The following FOXP1 variants were observed in gnomAD, a reference collection of about 807,000 sequenced individuals.
The protein encoded by FOXP1 is forkhead box P1, also known as forkhead box protein P1.
Under a neutral mutation model 98.2 loss-of-function variants are expected in FOXP1, and 15 were observed. That is an observed-to-expected ratio of 0.15 (90% confidence interval 0.10 to 0.24). The LOEUF is 0.24. Ranked by LOEUF, FOXP1 falls within the 10% of genes least tolerant of loss-of-function variation. The pLI, the probability that FOXP1 is intolerant of heterozygous loss-of-function variation, is 1.00. For synonymous variants in FOXP1, 371 were observed against 314.5 expected (o/e 1.18, Z -1.90); for missense variants, 633 against 848.5 (o/e 0.75, Z 3.15).
chr3:71,440,777 A>C (rs1361505008), intron 3 of FOXP1, among the ~76,000 whole-genome samples: 3 of 151,962 alleles, frequency 2.0e-5, no homozygotes, highest in African/African-American at 7.3e-5. Flanking sequence ...AGGTGGGAGG[A>C]TCACTTGAGC....
chr3:71,330,740 A>G (rs2076242059), intron 4 of FOXP1, among the ~76,000 whole-genome samples: 1 of 152,258 alleles, frequency 6.6e-6, no homozygotes, highest in Non-Finnish European at 1.5e-5. Flanking sequence ...GGCAACATTT[A>G]GTGACATGGA....
chr3:71,203,246 T>G (rs1180897528), intron 5 of FOXP1, among the ~76,000 whole-genome samples: 2 of 152,176 alleles, frequency 1.3e-5, no homozygotes, highest in African/African-American at 4.8e-5. Context: ...TGCATAGATG[T>G]CAAAAAGCCT....
chr3:71,305,367 C>T (rs935455087), intron 4 of FOXP1, among the ~76,000 whole-genome samples: 2 of 152,180 alleles, frequency 1.3e-5, no homozygotes, highest in African/African-American at 2.4e-5. Context: ...CCCTCCCGAC[C>T]GCCTCTCTGA....
At chr3:71,304,424 T>C (rs963830574) in intron 4 of FOXP1, among the ~76,000 whole-genome samples, 1 of 152,212 alleles carries the variant, frequency 6.6e-6, no homozygotes, top group African/African-American at 2.4e-5. Flanking sequence ...ACCTTTAGTG[T>C]GCAATAAGAG....
intron 3 of FOXP1, among the ~76,000 whole-genome samples, chr3:71,375,063 C>T (rs1043358567): frequency 3.9e-5 from 6 of 152,118 alleles, no homozygotes; most frequent in Admixed American, 3.9e-4. Context: ...TCTCTAGCCA[C>T]GTCAAGAGTT....
chr3:71,005,220 C>T (rs59424489), intron 12 of FOXP1, among the ~76,000 whole-genome samples: 1 of 144,084 alleles, frequency 6.9e-6, no homozygotes, highest in Non-Finnish European at 1.5e-5. Flanking sequence ...GGCAGCATCT[C>T]TTAGCCAGTG....
At chr3:71,368,466 T>A (rs1008655519) in intron 3 of FOXP1, among the ~76,000 whole-genome samples, 2 of 152,136 alleles carry the variant, frequency 1.3e-5, no homozygotes, top group Non-Finnish European at 2.9e-5. Context: ...CTTCATGACA[T>A]GCAAAAGTTA....
intron 3 of FOXP1, among the ~76,000 whole-genome samples, chr3:71,487,198 T>C (rs1415716180): frequency 1.3e-5 from 2 of 151,736 alleles, no homozygotes; most frequent in Non-Finnish European, 2.9e-5. Context: ...TTCACAGACA[T>C]AACACAAAAA....
intron 6 of FOXP1, among the ~76,000 whole-genome samples, chr3:71,166,632 C>T (rs2061412254): frequency 6.6e-6 from 1 of 152,160 alleles, no homozygotes; most frequent in Non-Finnish European, 1.5e-5. Context: ...AATCTGCATT[C>T]TAAATCTCTT....
intron 4 of FOXP1, among the ~76,000 whole-genome samples, chr3:71,325,842 G>C (rs1406692601): frequency 6.6e-6 from 1 of 152,006 alleles, no homozygotes; most frequent in Non-Finnish European, 1.5e-5. Flanking sequence ...CACCATATCT[G>C]GCTCAAAATG....
intron 12 of FOXP1, among the ~76,000 whole-genome samples, chr3:71,007,791 A>G (rs890021013): frequency 1.7e-4 from 26 of 152,184 alleles, no homozygotes; most frequent in Admixed American, 1.2e-3. Flanking sequence ...AAATTCACAG[A>G]AAAAAATTTT....
chr3:71,380,199 T>C (rs1388650880), intron 3 of FOXP1, among the ~76,000 whole-genome samples: 1 of 152,068 alleles, frequency 6.6e-6, no homozygotes, highest in Non-Finnish European at 1.5e-5. Flanking sequence ...TCTTTTAAGG[T>C]CAGAGTGGAG....
intron 9 of FOXP1, among the ~76,000 whole-genome samples, chr3:71,047,759 A>G (rs894868684): frequency 1.3e-5 from 2 of 152,210 alleles, no homozygotes; most frequent in African/African-American, 4.8e-5. Context: ...ATGCCTTAAC[A>G]TGGCTTTAGT....
At chr3:71,281,366 G>C (rs899172166) in intron 5 of FOXP1, among the ~76,000 whole-genome samples, 7 of 152,168 alleles carry the variant, frequency 4.6e-5, no homozygotes, top group Non-Finnish European at 8.8e-5. Flanking sequence ...TGGGGTCAAG[G>C]TCATTCCTGC....
intron 13 of FOXP1, among the ~76,000 whole-genome samples, chr3:70,996,765 G>GTAAGATTCAATCTGAGCT: frequency 6.6e-6 from 1 of 152,248 alleles, no homozygotes; most frequent in Non-Finnish European, 1.5e-5. Flanking sequence ...GATGTATATG[G>GTAAGATTCAATCTGAGCT]TAAGATTCAA....
intron 3 of FOXP1, among the ~76,000 whole-genome samples, chr3:71,479,695 AAAAG>A (rs2090125345): frequency 6.7e-6 from 1 of 150,126 alleles, no homozygotes; most frequent in African/African-American, 2.5e-5. Flanking sequence ...AAAAAAAAAG[AAAAG>A]AAAAGAAAAG....
At chr3:71,181,611 T>C (rs1182527251) in intron 6 of FOXP1, among the ~76,000 whole-genome samples, 1 of 152,148 alleles carries the variant, frequency 6.6e-6, no homozygotes. Context: ...AATCAGTCTC[T>C]AGCAGAAACA....
chr3:71,448,687 T>G (rs927350501), intron 3 of FOXP1, among the ~76,000 whole-genome samples: 1 of 152,228 alleles, frequency 6.6e-6, no homozygotes, highest in Non-Finnish European at 1.5e-5. Flanking sequence ...CCTTAACTAG[T>G]AGGTAATGGT....
chr3:71,070,546 C>T (rs966947448), intron 7 of FOXP1, among the ~76,000 whole-genome samples: 1 of 152,154 alleles, frequency 6.6e-6, no homozygotes, highest in Non-Finnish European at 1.5e-5. Flanking sequence ...AGAGTACTTG[C>T]TTATCCTTTG....
Sources: allele counts gnomAD v4.1 joint callset (sites outside exome capture counted in the v4.1 genomes callset), GRCh38; gene constraint gnomAD v4.1.1; transcripts MANE v1.5; gene names NCBI Gene and HGNC (gene_info 2026-07-23, HGNC 2026-07-21).